Variants in SEPHS1 observed in about 807,000 individuals in gnomAD.
The protein encoded by SEPHS1 is selenophosphate synthetase 1, also known as zincore component SEPHS1.
Under a neutral mutation model 39.2 loss-of-function variants are expected in SEPHS1, and 7 were observed. The observed-to-expected ratio is 0.18, with a 90% confidence interval of 0.10 to 0.34. The LOEUF is 0.34. Among genes scored for constraint, SEPHS1 ranks in the 10% least tolerant of loss-of-function variants. SEPHS1 has a pLI of 1.00. For missense variants in SEPHS1, 253 were observed against 514.5 expected, an observed-to-expected ratio of 0.49 and a Z score of 4.92; for synonymous variants, 190 against 195.5, an observed-to-expected ratio of 0.97 and a Z score of 0.23.
At chr10:13,324,929 T>G (rs148835128) in intron 7 of SEPHS1, among the ~76,000 whole-genome samples, 2 of 152,342 alleles carry the variant, frequency 1.3e-5, no homozygotes, top group African/African-American at 4.8e-5. Flanking sequence ...CACTGAAGGT[T>G]TCCTTTTATG....
intron 7 of SEPHS1, among the ~76,000 whole-genome samples, chr10:13,324,745 G>A (rs555601194): frequency 2.6e-5 from 4 of 152,328 alleles, no homozygotes; most frequent in South Asian, 2.1e-4. Context: ...CCAAGTAGCT[G>A]GGACTAAGGC....
intron 5 of SEPHS1, among the ~76,000 whole-genome samples, chr10:13,333,000 G>A (rs1443738670): frequency 6.6e-6 from 1 of 152,144 alleles, no homozygotes; most frequent in Non-Finnish European, 1.5e-5. Flanking sequence ...GAGGAGGATG[G>A]GGTTTCTTCC....
intron 6 of SEPHS1, 107 bp from the exon 7 acceptor site, chr10:13,328,557 G>T: frequency 2.6e-6 from 2 of 776,316 alleles, no homozygotes; most frequent in Non-Finnish European, 4.2e-6. Flanking sequence ...AACTTCTAGG[G>T]ACTTTAATTC....
chr10:13,334,333 G>C (rs2130670854), intron 4 of SEPHS1, among the ~76,000 whole-genome samples: 1 of 152,254 alleles, frequency 6.6e-6, no homozygotes, highest in East Asian at 1.9e-4. Flanking sequence ...CTGAGGTCAG[G>C]AGTTTGAGAC....
chr10:13,346,568 G>C (rs577469374), intron 1 of SEPHS1, among the ~76,000 whole-genome samples: 8 of 152,224 alleles, frequency 5.3e-5, no homozygotes, highest in African/African-American at 1.7e-4. Flanking sequence ...GGCGCTGGCC[G>C]CAAGTGACAA....
At chr10:13,325,652 C>G (rs775786794) in intron 7 of SEPHS1, among the ~76,000 whole-genome samples, 2 of 152,140 alleles carry the variant, frequency 1.3e-5, no homozygotes, top group Non-Finnish European at 2.9e-5. Context: ...TGGTGGCTCA[C>G]GCCTGCAATT....
At chr10:13,323,095 T>C (rs1323752226) in intron 7 of SEPHS1, 48 bp from the exon 8 acceptor site, 2 of 1,493,608 alleles carry the variant, frequency 1.3e-6, no homozygotes, top group Non-Finnish European at 1.9e-6. Context: ...TTTCCTCAAC[T>C]CAAAAATCTT....
chr10:13,323,052 G>C lies in SEPHS1; in HGVS notation c.752-5C>G, dbSNP rs376085120. On this transcript the variant is annotated splice_polypyrimidine_tract_variant and splice_region_variant and intron_variant, in intron 7 of 8. Coordinates refer to ENST00000327347, the MANE Select transcript of SEPHS1 (RefSeq NM_012247.5). ...ACGTGTGCATGAGTCCTGCAGCTGG[G>C]AGAGAGAGGGGGCGGCTCTGAGAAA... 1 of 1,613,050 alleles carries C rather than the reference G, an allele frequency of 6.2e-7. No homozygotes were observed. The highest frequency in any genetic ancestry group is 8.5e-7 in the Non-Finnish European group (1 of 1,179,490).
chr10:13,347,592 G>A (rs1833964149), intron 1 of SEPHS1, among the ~76,000 whole-genome samples: 1 of 147,198 alleles, frequency 6.8e-6, no homozygotes, highest in Non-Finnish European at 1.5e-5. Context: ...GGCCCGCGCG[G>A]AGAAAAGGGG....
chr10:13,328,469 G>A lies in SEPHS1; in HGVS notation c.652-19C>T, dbSNP rs778489701. On this transcript the variant is annotated intron_variant, in intron 6 of 8. Coordinates refer to ENST00000327347, the MANE Select transcript of SEPHS1 (RefSeq NM_012247.5). Reference sequence around the variant, plus strand: ...TCTCAGGCTGATAATAGAAATGTAGGTGAGGGAGAGAAAGAGAGGAAAATG... The same window carrying A: ...TCTCAGGCTGATAATAGAAATGTAGATGAGGGAGAGAAAGAGAGGAAAATG... The A allele has an allele frequency of 2.0e-6, 3 of 1,517,292 alleles. No homozygotes were observed. Among genetic ancestry groups the A allele is most frequent in the Non-Finnish European group, 9.1e-7 (1 of 1,095,172 alleles). The allele number at this position is 1,517,292 out of a possible 1,614,324, so 94.0% of individuals were successfully genotyped here.
At position 13,328,355 on chromosome 10, in the gene SEPHS1, C is replaced by T; in HGVS notation, c.747G>A (p.Arg249=). Reference sequence around the variant, plus strand: ...CGCCCTTCCCACCTGTCATACCTGTCCTGTTGAGCCTCGCCATGTTCATCA... The same window carrying T: ...CGCCCTTCCCACCTGTCATACCTGTTCTGTTGAGCCTCGCCATGTTCATCA... The part of the protein sequence containing the change: ...EAMMNMARLN[R]TAAGLMHTFN... Residue 249 remains arginine (R), a synonymous_variant, in exon 7 of 9, where the codon AGG becomes AGA. Coordinates refer to ENST00000327347, the MANE Select transcript of SEPHS1 (RefSeq NM_012247.5). 1 of 1,609,648 alleles carries T rather than the reference C, an allele frequency of 6.2e-7. No homozygotes were observed. Among genetic ancestry groups the T allele is most frequent in the South Asian group, 1.1e-5 (1 of 90,946 alleles).
chr10:13,323,475 C>A (rs978687969), intron 7 of SEPHS1, among the ~76,000 whole-genome samples: 1 of 152,140 alleles, frequency 6.6e-6, no homozygotes, highest in African/African-American at 2.4e-5. Flanking sequence ...CTGCCTCAGC[C>A]TCCTGAATAG....
chr10:13,344,823 T>G lies in SEPHS1; in HGVS notation c.128A>C (p.Glu43Ala), dbSNP rs751406811. ...TTGGAAGTGGTTCTCCTGTAAAGAT[T>G]CCAGCAATTTTTGCAGGACATCTTG... ...VPQDVLQKLL[E>A]SLQENHFQED... The change falls in exon 2 of 9, where the codon GAA (glutamate) becomes GCA (alanine). Residue 43 changes from glutamate (E) to alanine (A), a missense_variant. By Grantham distance (107) the Glu-to-Ala change is moderately radical. Coordinates refer to ENST00000327347, the MANE Select transcript of SEPHS1 (RefSeq NM_012247.5). The G allele has an allele frequency of 1.9e-6, 3 of 1,604,610 alleles. No individual in the cohort carries two copies. In the Admixed American group the frequency reaches 5.1e-5, roughly 27 times the overall value.
At chr10:13,325,498 T>C (rs72783304) in intron 7 of SEPHS1, among the ~76,000 whole-genome samples, 4,738 of 152,300 alleles carry the variant, frequency 0.031, 113 homozygotes, top group Admixed American at 0.059. Context: ...CTCTTCTCTG[T>C]CCTGCTGCCT....
Position 13,328,380 on chromosome 10 carries a change from A to G in SEPHS1, c.722T>C (p.Met241Thr). 1 of 1,613,810 alleles carries G rather than the reference A, an allele frequency of 6.2e-7. No individual in the cohort carries two copies. The highest frequency in any genetic ancestry group is 8.5e-7 in the Non-Finnish European group (1 of 1,179,758). The stretch of plus-strand genomic sequence containing the variant: ...CCTGTTGAGCCTCGCCATGTTCATC[A>G]TCGCCTCCTGGTAGGCCAGCTCTAC... ...EDVELAYQEA[M>T]MNMARLNRTA... Residue 241 changes from methionine (M) to threonine (T), a missense_variant, in exon 7 of 9, where the codon ATG becomes ACG. This residue lies in a region of SEPHS1 where 107 missense variants were observed against 257.1 expected (regional missense o/e 0.42). Coordinates refer to ENST00000327347, the MANE Select transcript of SEPHS1 (RefSeq NM_012247.5).
At chr10:13,345,269 GC>G in intron 1 of SEPHS1, 1 of 203,740 alleles carries the variant, frequency 4.9e-6, no homozygotes, top group South Asian at 1.8e-4. Context: ...TGGCAAGAGG[GC>G]CAGCCTGCAG....
chr10:13,323,701 G>A (rs970063845), intron 7 of SEPHS1, among the ~76,000 whole-genome samples: 1 of 151,854 alleles, frequency 6.6e-6, no homozygotes, highest in African/African-American at 2.4e-5. Flanking sequence ...AGGTACTCCC[G>A]CGAAAGGTGA....
At chr10:13,338,987 C>T (rs1421151666) in intron 2 of SEPHS1, 179 bp from the exon 3 acceptor site, 4 of 603,884 alleles carry the variant, frequency 6.6e-6, no homozygotes, top group Non-Finnish European at 1.2e-5. Context: ...ACATATCCAG[C>T]TTAGGATGGA....
chr10:13,337,617 C>T (rs1279348649), intron 3 of SEPHS1, among the ~76,000 whole-genome samples: 1 of 152,202 alleles, frequency 6.6e-6, no homozygotes, highest in African/African-American at 2.4e-5. Context: ...ACAAGGCCAA[C>T]AGGTGGTCTA....
Sources: gnomAD v4.1 joint callset for allele counts (sites outside exome capture counted in the v4.1 genomes callset) on GRCh38, gnomAD v4.1.1 for gene constraint, gnomAD v4.1.1 regional missense constraint, MANE v1.5 for transcripts, NCBI Gene and HGNC (gene_info 2026-07-23, HGNC 2026-07-21) for gene names.